PPFIA1: variants seen among roughly 807,000 people sequenced by gnomAD.
PPFIA1 encodes liprin-alpha-1.
A neutral mutation model predicts 149.9 loss-of-function variants in PPFIA1; 25 were observed. The observed-to-expected ratio is 0.17, with a 90% CI of 0.12 to 0.23. The LOEUF is 0.23. Ranked by LOEUF, PPFIA1 falls within the 10% of genes least tolerant of loss-of-function variation. The pLI, the probability that PPFIA1 is intolerant of heterozygous loss-of-function variation, is 1.00. For missense variants in PPFIA1, 1,362 were observed against 1,506.5 expected (o/e 0.90, Z 1.59); for synonymous variants, 549 against 552.8 (o/e 0.99, Z 0.10).
intron 1 of PPFIA1, 141 bp downstream of exon 1, chr11:70,271,055 C>T (rs2050039521): frequency 6.6e-6 from 1 of 151,914 alleles, no homozygotes; most frequent in Admixed American, 6.6e-5. Flanking sequence ...GGCCGCGGCG[C>T]CGGGTCGCGC....
intron 2 of PPFIA1, among the ~76,000 whole-genome samples, chr11:70,282,835 T>TC (rs1289832174): frequency 3.8e-5 from 3 of 79,112 alleles, no homozygotes; most frequent in Non-Finnish European, 6.7e-5. Context: ...GTGCCTGGCT[T>TC]TTTTTTTTTT....
chr11:70,297,509 G>A (rs2052156429), intron 2 of PPFIA1, among the ~76,000 whole-genome samples: 1 of 152,186 alleles, frequency 6.6e-6, no homozygotes, highest in Non-Finnish European at 1.5e-5. Flanking sequence ...TCCACAGTGG[G>A]TGTATTGTCT....
At chr11:70,334,678 T>TCA (rs1284944665) in intron 10 of PPFIA1, 4 of 152,042 alleles carry the variant, frequency 2.6e-5, no homozygotes, top group Non-Finnish European at 4.4e-5. Context: ...AAAGGAGAGG[T>TCA]CACTACCCAT....
intron 25 of PPFIA1, among the ~76,000 whole-genome samples, chr11:70,377,318 A>C (rs2135447045): frequency 6.6e-6 from 1 of 152,284 alleles, no homozygotes; most frequent in South Asian, 2.1e-4. Flanking sequence ...ATGTTTCAGA[A>C]GTATATTAAA....
At chr11:70,372,642 T>A in intron 23 of PPFIA1, 68 bp downstream of exon 23, 1 of 1,294,860 alleles carries the variant, frequency 7.7e-7, no homozygotes, top group Non-Finnish European at 1.1e-6. Context: ...CCTCAGTGAC[T>A]TCCTATTTTT....
chr11:70,325,434 T>C, intron 4 of PPFIA1, 66 bp from the exon 5 acceptor site: 1 of 1,045,202 alleles, frequency 9.6e-7, no homozygotes, highest in East Asian at 2.5e-5. Flanking sequence ...TACACTTAAC[T>C]ATATATTAAG....
chr11:70,317,174 A>G (rs2053685242), intron 2 of PPFIA1, among the ~76,000 whole-genome samples: 1 of 152,178 alleles, frequency 6.6e-6, no homozygotes, highest in African/African-American at 2.4e-5. Context: ...TTTCCTAAAT[A>G]GGAAAAAATG....
intron 15 of PPFIA1, among the ~76,000 whole-genome samples, chr11:70,344,518 C>G (rs1296336397): frequency 6.6e-6 from 1 of 152,230 alleles, no homozygotes; most frequent in East Asian, 1.9e-4. Flanking sequence ...ACCCTGAACC[C>G]TGAAAGGAGC....
At chr11:70,316,083 T>G (rs1013710386) in intron 2 of PPFIA1, among the ~76,000 whole-genome samples, 1 of 152,166 alleles carries the variant, frequency 6.6e-6, no homozygotes, top group African/African-American at 2.4e-5. Context: ...AAATTTTTTT[T>G]TCTTTGAGAC....
intron 2 of PPFIA1, among the ~76,000 whole-genome samples, chr11:70,278,032 G>T (rs1158920983): frequency 6.6e-6 from 1 of 151,156 alleles, no homozygotes; most frequent in African/African-American, 2.4e-5. Context: ...TGCCTCAGCC[G>T]CCCGAGTAGC....
At chr11:70,313,878 C>CA in intron 2 of PPFIA1, among the ~76,000 whole-genome samples, 1 of 152,170 alleles carries the variant, frequency 6.6e-6, no homozygotes, top group Admixed American at 6.5e-5. Flanking sequence ...ATTAGCTGGG[C>CA]ATGGTGGCGC....
chr11:70,315,678 G>GTTTTTTTTTTCTTT (rs2053568968), intron 2 of PPFIA1, among the ~76,000 whole-genome samples: 1 of 73,014 alleles, frequency 1.4e-5, no homozygotes, highest in Non-Finnish European at 2.5e-5. Flanking sequence ...CTTTTTTTCT[G>GTTTTTTTTTTCTTT]TTTTTTTTTT....
At chr11:70,308,241 T>C (rs1591149093) in intron 2 of PPFIA1, among the ~76,000 whole-genome samples, 2 of 152,074 alleles carry the variant, frequency 1.3e-5, no homozygotes, top group African/African-American at 4.8e-5. Context: ...AGAGACGGGG[T>C]TTCTCCATGT....
chr11:70,361,498 G>A (rs1176518331), intron 19 of PPFIA1, among the ~76,000 whole-genome samples: 2 of 152,100 alleles, frequency 1.3e-5, no homozygotes, highest in South Asian at 2.1e-4. Flanking sequence ...TGTGGAAGCC[G>A]CAGATACAGA....
At chr11:70,296,048 G>A (rs1323015025) in intron 2 of PPFIA1, among the ~76,000 whole-genome samples, 1 of 151,690 alleles carries the variant, frequency 6.6e-6, no homozygotes, top group African/African-American at 2.4e-5. Flanking sequence ...CAGACGGGGC[G>A]TCGGGGCAAA....
Position 70,347,747 on chromosome 11 carries a change from T to TAATC in PPFIA1, c.1932-441_1932-438dup, listed in dbSNP as rs550290162. Among the ~76,000 whole-genome samples the TAATC allele has an allele frequency of 3.6e-3, 552 of 152,258 alleles. 3 individuals carry two copies. Among genetic ancestry groups the TAATC allele is most frequent in the African/African-American group, 0.013 (524 of 41,540 alleles). On this transcript the variant is annotated intron_variant, in intron 15 of 27. Transcript: ENST00000253925. ...GGCCAGGAGCTGTGGCTCGCGCCTG[T>TAATC]AATCCCACTACTTTGGGAGGCCGAG...
intron 2 of PPFIA1, chr11:70,279,176 T>C (rs1285178671): frequency 2.2e-6 from 1 of 453,118 alleles, no homozygotes; most frequent in East Asian, 5.1e-5. Context: ...CAGGACTGAT[T>C]GTCCTAGATT....
intron 21 of PPFIA1, chr11:70,366,098 T>C (rs1281163781): frequency 2.7e-6 from 1 of 366,180 alleles, no homozygotes; most frequent in Non-Finnish European, 5.4e-6. Context: ...ACAGGATTGT[T>C]AATGATTTGA....
At chr11:70,278,084 T>A (rs1281849628) in intron 2 of PPFIA1, among the ~76,000 whole-genome samples, 1 of 152,034 alleles carries the variant, frequency 6.6e-6, no homozygotes, top group East Asian at 1.9e-4. Flanking sequence ...CTAATTTTTG[T>A]ATTTTTAGTA....
Sources: allele counts gnomAD v4.1 joint callset (sites outside exome capture counted in the v4.1 genomes callset), GRCh38; gene constraint gnomAD v4.1.1; transcripts MANE v1.5; gene names NCBI Gene and HGNC (gene_info 2026-07-23, HGNC 2026-07-21).